VMA21: variants seen among roughly 807,000 people sequenced by gnomAD.
VMA21 encodes the protein vacuolar ATPase assembly integral membrane protein VMA21.
For missense variants in VMA21, 61 were observed against 80.6 expected (o/e 0.76, Z 0.93); for synonymous variants, 47 against 34.1 (o/e 1.38, Z -1.32).
chrX:151,406,933 GT>G lies in VMA21; in HGVS notation c.*1880del, dbSNP rs2011299294. The stretch of plus-strand genomic sequence containing the variant: ...AGATCAGTATGATTATTATGGAACT[GT>G]TTTTAATTCTTGCTTAAAGACTACA... On this transcript the variant is annotated 3_prime_UTR_variant, in exon 3 of 3. Transcript: ENST00000330374. The G allele has an allele frequency of 1.8e-5, 2 of 112,431 alleles. No homozygotes were observed. Among genetic ancestry groups the G allele is most frequent in the African/African-American group, 6.5e-5 (2 of 30,940 alleles). The allele number at this position is 112,431 out of a possible 1,213,427, so 9.3% of individuals were successfully genotyped here.
In VMA21 at chrX:151,409,062, G is replaced by A. The variant is rs941560507; in HGVS notation, c.*4004G>A. 3.6e-5 allele frequency: 4 copies of A among 112,600 alleles called. No individual in the cohort carries two copies. The highest frequency in any genetic ancestry group is 3.8e-5 in the Non-Finnish European group (2 of 53,262). 9.3% of individuals were successfully genotyped at this position (112,600 alleles called of 1,213,427 possible). ...GAGTTTTGCATAGTGAACCTGTTAC[G>A]AGATGTCTCTTGACGTCGATGCTAA... On this transcript the variant is annotated 3_prime_UTR_variant, in exon 3 of 3. Transcript: ENST00000330374.
At chrX:151,400,400 G>T (rs2011228802) in intron 1 of VMA21, among the ~76,000 whole-genome samples, 1 of 110,545 alleles carries the variant, frequency 9.0e-6, no homozygotes, top group African/African-American at 3.3e-5. Flanking sequence ...CTCTTTTAAG[G>T]CTGAATAAAA....
chrX:151,407,691 T>G lies in VMA21; in HGVS notation c.*2633T>G, dbSNP rs1244154083. 5 of 111,762 alleles carry G rather than the reference T, an allele frequency of 4.5e-5. No homozygotes were observed. The highest frequency in any genetic ancestry group is 3.8e-4 in the Admixed American group (4 of 10,510). 9.2% of individuals were successfully genotyped at this position (111,762 alleles called of 1,213,427 possible). A position where few individuals can be genotyped will look rare whatever the true frequency, so the allele number is the denominator to read the frequency against. Reference sequence around the variant, plus strand: ...GGAGAATGTAGTCCTTTTTCTCATTTGTGTTGAGAAATGAAAAGTCTGCTG... The same window carrying G: ...GGAGAATGTAGTCCTTTTTCTCATTGGTGTTGAGAAATGAAAAGTCTGCTG... On this transcript the variant is annotated 3_prime_UTR_variant, in exon 3 of 3. Transcript: ENST00000330374.
intron 1 of VMA21, among the ~76,000 whole-genome samples, chrX:151,401,584 CTG>C (rs2011237196): frequency 9.0e-6 from 1 of 111,544 alleles, no homozygotes. Flanking sequence ...TGTGTTATAT[CTG>C]TATGTTGCTT....
Position 151,397,243 on chromosome X carries a change from A to G in VMA21, c.-66A>G, listed in dbSNP as rs2011199927. ...AACCGCCTCGGCCGTTCCCTCGCGG[A>G]GCTTACTGAGCGCGGCCGCCGAGCC... On this transcript the variant is annotated 5_prime_UTR_variant, in exon 1 of 3. Coordinates refer to ENST00000330374, the MANE Select transcript of VMA21 (RefSeq NM_001017980.4). 5.4e-6 allele frequency: 6 copies of G among 1,108,604 alleles called. No homozygotes were observed. In the East Asian group the frequency reaches 1.3e-4, roughly 25 times the overall value. The allele number at this position is 1,108,604 out of a possible 1,213,427, so 91.4% of individuals were successfully genotyped here. A position where few individuals can be genotyped will look rare whatever the true frequency, so the allele number is the denominator to read the frequency against.
intron 1 of VMA21, among the ~76,000 whole-genome samples, chrX:151,399,775 A>G (rs1438271696): frequency 3.5e-5 from 2 of 57,780 alleles, no homozygotes; most frequent in Non-Finnish European, 5.3e-5. Flanking sequence ...AGAAAATATT[A>G]GAACTTTTTT....
chrX:151,397,111 G>GCGCCGCGC (rs2011197517), upstream of VMA21: 1 of 341,161 alleles, frequency 2.9e-6, no homozygotes, highest in African/African-American at 2.9e-5. Flanking sequence ...CGTCGCTGCG[G>GCGCCGCGC]CGCGCCGCGC....
intron 1 of VMA21, among the ~76,000 whole-genome samples, chrX:151,401,825 C>A (rs59107357): frequency 9.0e-6 from 1 of 111,514 alleles, no homozygotes; most frequent in Non-Finnish European, 1.9e-5. Flanking sequence ...CTGCTCACTG[C>A]AGCCTTGACC....
At chrX:151,399,442 C>G (rs1220870245) in intron 1 of VMA21, among the ~76,000 whole-genome samples, 1 of 112,399 alleles carries the variant, frequency 8.9e-6, no homozygotes, top group Non-Finnish European at 1.9e-5. Context: ...TCAGTTAACA[C>G]TTCCTTTCTG....
chrX:151,405,266 G>T lies in VMA21; in HGVS notation c.*208G>T. On this transcript the variant is annotated 3_prime_UTR_variant, in exon 3 of 3. Transcript: ENST00000330374. ...AATCTGATTTGCAAATGAGAATTTG[G>T]AAAAGTTAGTTACAAAGAAATATGT... 2.9e-6 allele frequency: 1 copy of T among 340,530 alleles called. No homozygotes were observed. The highest frequency in any genetic ancestry group is 4.7e-6 in the Non-Finnish European group (1 of 213,202). 28.1% of individuals were successfully genotyped at this position (340,530 alleles called of 1,213,427 possible).
chrX:151,401,259 C>G (rs2011234609), intron 1 of VMA21, among the ~76,000 whole-genome samples: 1 of 111,730 alleles, frequency 9.0e-6, no homozygotes, highest in Admixed American at 9.5e-5. Flanking sequence ...CCTGTTTTCC[C>G]AGTACCACTT....
intron 2 of VMA21, among the ~76,000 whole-genome samples, chrX:151,404,563 C>T (rs930670577): frequency 9.1e-6 from 1 of 110,388 alleles, no homozygotes; most frequent in Admixed American, 9.6e-5. Context: ...GGACTACAGG[C>T]GCCTGCCACT....
chrX:151,400,743 A>C (rs1256944458), intron 1 of VMA21, among the ~76,000 whole-genome samples: 1 of 112,084 alleles, frequency 8.9e-6, no homozygotes, highest in African/African-American at 3.2e-5. Flanking sequence ...CTGTCCTTAG[A>C]AGTGTGAGGT....
At chrX:151,398,430 T>A (rs1224650126) in intron 1 of VMA21, among the ~76,000 whole-genome samples, 4 of 110,436 alleles carry the variant, frequency 3.6e-5, no homozygotes, top group Non-Finnish European at 7.6e-5. Flanking sequence ...TTCCCACTTA[T>A]GAGAACGTGC....
In VMA21 at chrX:151,397,337, A is replaced by G. The variant is rs1197341312; in HGVS notation, c.29A>G (p.Asn10Ser). 3 of 1,161,699 alleles carry G rather than the reference A, an allele frequency of 2.6e-6. No individual in the cohort carries two copies. The highest frequency in any genetic ancestry group is 3.4e-6 in the Non-Finnish European group (3 of 872,554). Residue 10 changes from asparagine to serine, a missense_variant, in exon 1 of 3, where the codon AAC (asparagine) becomes AGC (serine). Coordinates refer to ENST00000330374, the MANE Select transcript of VMA21 (RefSeq NM_001017980.4). MERPDKAAL[N>S]ALQPPEFRNE... ...GAGCGCCCGGATAAGGCGGCGCTGAACGCACTGCAGCCTCCTGAGTTCAGG... is the reference window on the plus strand; with the variant it reads ...GAGCGCCCGGATAAGGCGGCGCTGAGCGCACTGCAGCCTCCTGAGTTCAGG...
chrX:151,397,445 T>C, intron 1 of VMA21, 84 bp downstream of exon 1: 1 of 1,049,786 alleles, frequency 9.5e-7, no homozygotes, highest in East Asian at 3.5e-5. Flanking sequence ...GCTGAATGGG[T>C]GGGCGTGAGG....
In VMA21 at chrX:151,409,343, A is replaced by T. The variant is rs1448429631; in HGVS notation, c.*4285A>T. 2.7e-5 allele frequency: 3 copies of T among 111,991 alleles called. No individual in the cohort carries two copies. The highest frequency in any genetic ancestry group is 9.8e-5 in the African/African-American group (3 of 30,763). 9.2% of individuals were successfully genotyped at this position (111,991 alleles called of 1,213,427 possible). ...TATAAATGTACCATCTGATGTCATT[A>T]AAAAAAGTGTTTGTAGTGCTACTTT... is the stretch of plus-strand genomic sequence containing the variant. On this transcript the variant is annotated 3_prime_UTR_variant, in exon 3 of 3. Transcript: ENST00000330374.
At position 151,409,264 on chromosome X, in the gene VMA21, T is replaced by C. The variant is rs917217738; in HGVS notation, c.*4206T>C. The C allele has an allele frequency of 8.9e-6, 1 of 112,002 alleles. No homozygotes were observed. The highest frequency in any genetic ancestry group is 1.9e-5 in the Non-Finnish European group (1 of 53,271). The allele number at this position is 112,002 out of a possible 1,213,427, so 9.2% of individuals were successfully genotyped here. A position where few individuals can be genotyped will look rare whatever the true frequency, so the allele number is the denominator to read the frequency against. On this transcript the variant is annotated 3_prime_UTR_variant, in exon 3 of 3. Coordinates refer to ENST00000330374, the MANE Select transcript of VMA21 (RefSeq NM_001017980.4). Reference sequence around the variant, plus strand: ...ATTTACTTCTGTTAAGTGATGCTTTTCTAACCGTTTTCTGGATGGATTTTG... The same window carrying C: ...ATTTACTTCTGTTAAGTGATGCTTTCCTAACCGTTTTCTGGATGGATTTTG...
intron 1 of VMA21, among the ~76,000 whole-genome samples, chrX:151,401,423 ATAACTG>A (rs1176539975): frequency 1.6e-4 from 18 of 112,201 alleles, no homozygotes; most frequent in African/African-American, 5.8e-4. Flanking sequence ...TTTGATTACT[ATAACTG>A]TAATATTTTA....
Sources: allele counts gnomAD v4.1 joint callset (sites outside exome capture counted in the v4.1 genomes callset), GRCh38; gene constraint gnomAD v4.1.1; transcripts MANE v1.5; gene names NCBI Gene and HGNC (gene_info 2026-07-23, HGNC 2026-07-21).